GARIN2: variants seen among roughly 807,000 people sequenced by gnomAD.
GARIN2 encodes the protein Golgi-associated RAB2 interactor protein 2.
At chr14:67,195,752 TGTGTG>T in the GARIN2 span, among the ~76,000 whole-genome samples, 1 of 151,750 alleles carries the variant, frequency 6.6e-6, no homozygotes, top group African/African-American at 2.4e-5. Context: ...TGTGTGTGTG[TGTGTG>T]TTTTGAGACA....
At chr14:67,196,419 G>A in the GARIN2 span, among the ~76,000 whole-genome samples, 6 of 151,996 alleles carry the variant, frequency 3.9e-5, no homozygotes, top group Non-Finnish European at 7.4e-5. Context: ...ATTTCACGAC[G>A]TTGGCCAGGC....
the GARIN2 span, among the ~76,000 whole-genome samples, chr14:67,192,911 T>G: frequency 1.1e-4 from 16 of 144,198 alleles, no homozygotes; most frequent in East Asian, 1.6e-3. Flanking sequence ...TAGATATATA[T>G]AGATATATAT....
At chr14:67,204,984 C>G in the GARIN2 span, 1 of 1,575,332 alleles carries the variant, frequency 6.3e-7, no homozygotes, top group East Asian at 2.4e-5. Context: ...TCATAGAAGT[C>G]AGAGAAGCCA....
the GARIN2 span, chr14:67,203,006 C>G: frequency 3.0e-6 from 4 of 1,354,512 alleles, no homozygotes; most frequent in East Asian, 9.3e-5. Flanking sequence ...CCTTTATTTC[C>G]TACCCTCTCT....
chr14:67,225,950 TGTGTGTGTGTGTGCGCGCGC>T, the GARIN2 span, among the ~76,000 whole-genome samples: 1 of 138,124 alleles, frequency 7.2e-6, no homozygotes, highest in Non-Finnish European at 1.5e-5. Context: ...TGTGTGTGTG[TGTGTGTGTGTGTGCGCGCGC>T]GCGCGTGCGC....
the GARIN2 span, chr14:67,228,328 A>G: frequency 2.3e-5 from 11 of 468,808 alleles, no homozygotes; most frequent in East Asian, 1.3e-3. Context: ...TTTTACCTGT[A>G]TTTAGTTCAT....
the GARIN2 span, chr14:67,197,289 G>A: frequency 6.6e-6 from 1 of 152,288 alleles, no homozygotes; most frequent in South Asian, 2.1e-4. Context: ...ATGAAAAGGA[G>A]GAAGCTCAAA....
the GARIN2 span, among the ~76,000 whole-genome samples, chr14:67,227,891 C>T: frequency 2.0e-3 from 309 of 152,060 alleles, no homozygotes; most frequent in African/African-American, 7.0e-3. Flanking sequence ...GTTTCTTGGC[C>T]GGGTGCGGTG....
At chr14:67,199,201 A>C in the GARIN2 span, 9 of 1,606,730 alleles carry the variant, frequency 5.6e-6, no homozygotes, top group Non-Finnish European at 7.7e-6. Context: ...ATGCCAAAGG[A>C]TAGAGTCACT....
At chr14:67,203,694 A>G in the GARIN2 span, among the ~76,000 whole-genome samples, 2 of 152,116 alleles carry the variant, frequency 1.3e-5, no homozygotes, top group African/African-American at 4.8e-5. Flanking sequence ...ACGCTTTCTC[A>G]TGGTAAATAA....
chr14:67,190,777 T>C, the GARIN2 span, among the ~76,000 whole-genome samples: 3 of 152,218 alleles, frequency 2.0e-5, no homozygotes, highest in Admixed American at 2.0e-4. Context: ...CCTAGAATTG[T>C]GCTGGACCTA....
chr14:67,207,735 G>A, the GARIN2 span, among the ~76,000 whole-genome samples: 1 of 152,040 alleles, frequency 6.6e-6, no homozygotes, highest in Non-Finnish European at 1.5e-5. Context: ...AGGAGGGGGG[G>A]ATTTTAGAGT....
chr14:67,199,797 C>G, the GARIN2 span: 7 of 1,521,518 alleles, frequency 4.6e-6, no homozygotes, highest in Non-Finnish European at 8.9e-7. Flanking sequence ...TTCCCACCCC[C>G]AGTGCTGCCT....
At chr14:67,198,315 A>G in the GARIN2 span, 1 of 1,611,574 alleles carries the variant, frequency 6.2e-7, no homozygotes, top group Non-Finnish European at 8.5e-7. Flanking sequence ...GAGCAATTTT[A>G]TCCAGGTAAA....
chr14:67,196,351 G>T, the GARIN2 span, among the ~76,000 whole-genome samples: 19 of 151,900 alleles, frequency 1.3e-4, no homozygotes, highest in East Asian at 3.1e-3. Flanking sequence ...CGAATAGCTG[G>T]GATTACAGGC....
the GARIN2 span, chr14:67,222,009 A>C: frequency 3.3e-6 from 2 of 609,338 alleles, no homozygotes; most frequent in Admixed American, 3.5e-5. Flanking sequence ...GCTATCTTTC[A>C]AGTGGAAAAC....
chr14:67,222,990 C>G, the GARIN2 span, among the ~76,000 whole-genome samples: 1 of 148,828 alleles, frequency 6.7e-6, no homozygotes, highest in Admixed American at 6.8e-5. Context: ...TTTGGGCCTT[C>G]CCATTGGGCT....
At chr14:67,206,663 G>T in the GARIN2 span, among the ~76,000 whole-genome samples, 12 of 152,124 alleles carry the variant, frequency 7.9e-5, no homozygotes, top group Admixed American at 6.5e-4. Context: ...TAAATAGAAA[G>T]ATCAGAGTGA....
the GARIN2 span, among the ~76,000 whole-genome samples, chr14:67,213,296 T>C: frequency 1.3e-4 from 19 of 143,564 alleles, no homozygotes; most frequent in Non-Finnish European, 2.3e-4. Flanking sequence ...GTATATCTCC[T>C]AAGGCTATCC....
Sources: allele counts gnomAD v4.1 joint callset (sites outside exome capture counted in the v4.1 genomes callset), GRCh38; gene constraint gnomAD v4.1.1; transcripts MANE v1.5; gene names NCBI Gene and HGNC (gene_info 2026-07-23, HGNC 2026-07-21).